Variants in SCN1A observed in about 807,000 individuals in gnomAD.
SCN1A encodes sodium voltage-gated channel alpha subunit 1.
In SCN1A, 13 loss-of-function variants were observed where a neutral mutation model predicts 193.7. The ratio of observed to expected loss-of-function variants is 0.07; its 90% CI spans 0.04 to 0.11. The LOEUF (loss-of-function observed/expected upper bound fraction) is 0.11. SCN1A is among the 10% of genes least tolerant of loss of function. SCN1A has a pLI of 1.00. For synonymous variants in SCN1A, 781 were observed against 843.6 expected (o/e 0.93, Z 1.29); for missense variants, 1,432 against 2,451.1 (o/e 0.58, Z 8.78).
At position 166,036,371 on chromosome 2, in the gene SCN1A, G is replaced by T. The variant is rs542420576; in HGVS notation, c.3106C>A (p.Gln1036Lys). The change falls in exon 19 of 29, where the codon CAG becomes AAG. Residue 1036 changes from glutamine to lysine, a missense_variant. By Grantham distance (53) the Gln-to-Lys change is moderately conservative (BLOSUM62 1). This residue lies in a region of SCN1A where 198 missense variants were observed against 225.8 expected (regional missense o/e 0.88). Transcript: ENST00000674923. ...ATCTTTTGTTTCCTAATGAAGGACT[G>T]TTGAATAAATTCATATATTTTTCTT... is the stretch of plus-strand genomic sequence containing the variant. The part of the protein sequence containing the change: ...VKRKIYEFIQ[Q>K]SFIRKQKILD... 2 of 1,604,080 alleles carry T rather than the reference G, an allele frequency of 1.2e-6. No individual in the cohort carries two copies. Among genetic ancestry groups the T allele is most frequent in the South Asian group, 2.3e-5 (2 of 88,668 alleles).
chr2:166,005,770 G>C (rs928359111), intron 23 of SCN1A, among the ~76,000 whole-genome samples: 1 of 151,264 alleles, frequency 6.6e-6, no homozygotes, highest in Non-Finnish European at 1.5e-5. Context: ...GGTTCTTATG[G>C]GGGGAAGAAA....
intron 19 of SCN1A, among the ~76,000 whole-genome samples, chr2:166,031,608 CA>C (rs1173771933): frequency 6.6e-6 from 1 of 151,884 alleles, no homozygotes; most frequent in Non-Finnish European, 1.5e-5. Flanking sequence ...TTACAGAGGG[CA>C]AAAGGCAAAC....
At position 166,042,370 on chromosome 2, in the gene SCN1A, A is replaced by G; in HGVS notation, c.2098T>C (p.Ser700Pro). 1 of 1,613,886 alleles carries G rather than the reference A, an allele frequency of 6.2e-7. No homozygotes were observed. Among genetic ancestry groups the G allele is most frequent in the Non-Finnish European group, 8.5e-7 (1 of 1,179,854 alleles). ...GAAGGATCTTCTAGAAAGTCCATGGAAACGTGGAAAGAACTTGACCTTCTC... is the reference window on the plus strand; with the variant it reads ...GAAGGATCTTCTAGAAAGTCCATGGGAACGTGGAAAGAACTTGACCTTCTC... The part of the protein sequence containing the change: ...RKRRSSSFHV[S>P]MDFLEDPSQR... The change falls in exon 15 of 29, where the codon TCC (serine) becomes CCC (proline). Residue 700 changes from serine to proline, a missense_variant. By Grantham distance (74) the Ser-to-Pro change is moderately conservative. Coordinates refer to ENST00000674923, the MANE Select transcript of SCN1A (RefSeq NM_001165963.4).
intron 26 of SCN1A, among the ~76,000 whole-genome samples, chr2:165,997,192 A>T (rs1042046611): frequency 1.3e-5 from 2 of 151,268 alleles, no homozygotes; most frequent in Non-Finnish European, 3.0e-5. Context: ...TCAACAAGGT[A>T]CTATTTAAAT....
intron 6 of SCN1A, among the ~76,000 whole-genome samples, chr2:166,055,184 T>C (rs542000710): frequency 9.0e-6 from 1 of 110,820 alleles, no homozygotes; most frequent in Admixed American, 1.1e-4. Context: ...ACTGACAAAT[T>C]AGCACGTGTT....
intron 4 of SCN1A, among the ~76,000 whole-genome samples, chr2:166,068,341 G>A (rs7608672): frequency 0.19 from 28,357 of 152,038 alleles, 2,788 homozygotes; most frequent in South Asian, 0.27. Flanking sequence ...CTGTTTCTGA[G>A]ACAGAGACAG....
chr2:166,118,298 G>GCTTT (rs371947861), intron 2 of SCN1A, among the ~76,000 whole-genome samples: 1 of 44,692 alleles, frequency 2.2e-5, no homozygotes, highest in African/African-American at 7.3e-5. Flanking sequence ...TTTCTATTTA[G>GCTTT]TTTCTTTTTT....
rs773562083 is a variant in SCN1A at position 166,009,699 on chromosome 2, G to A, written c.4002+20C>T. On this transcript the variant is annotated intron_variant, in intron 23 of 28. Transcript: ENST00000674923. ...AATTTTGGCTATATACAATACTTCA[G>A]GTTCTTTCATTTTTCTTACCCTCAT... is the stretch of plus-strand genomic sequence containing the variant. 3 of 1,599,196 alleles carry A rather than the reference G, an allele frequency of 1.9e-6. No homozygotes were observed. The South Asian group carries it at 3.3e-5, about 18-fold the overall frequency.
At chr2:166,029,573 A>G (rs922342130) in intron 19 of SCN1A, among the ~76,000 whole-genome samples, 3 of 152,186 alleles carry the variant, frequency 2.0e-5, no homozygotes, top group Non-Finnish European at 4.4e-5. Context: ...AAAGTATTAG[A>G]TGGAAAAATA....
upstream of SCN1A, among the ~76,000 whole-genome samples, chr2:166,130,347 C>A (rs955513885): frequency 7.2e-5 from 11 of 152,126 alleles, no homozygotes; most frequent in Admixed American, 3.9e-4. Flanking sequence ...GCAAACAAAC[C>A]AGATCAAAAC....
At chr2:166,040,484 A>G (rs956603788) in intron 16 of SCN1A, among the ~76,000 whole-genome samples, 5 of 152,208 alleles carry the variant, frequency 3.3e-5, no homozygotes, top group African/African-American at 9.7e-5. Flanking sequence ...AACTAATAAA[A>G]TGCAGGTTGT....
rs188454732 is a variant in SCN1A at position 166,106,230 on chromosome 2, T to C, written c.-142+20694A>G. On this transcript the variant is annotated intron_variant, in intron 2 of 28. Coordinates refer to ENST00000674923, the MANE Select transcript of SCN1A (RefSeq NM_001165963.4). ...AACAAAAAAAGATACAGAAACCACA[T>C]GCTAATTTAAACAGAGAAAGTTTAA... 3.8e-4 allele frequency among the ~76,000 whole-genome samples: 58 copies of C among 152,174 alleles called. 1 individual carries two copies. The highest frequency in any genetic ancestry group is 4.3e-4 in the Non-Finnish European group (29 of 67,990).
downstream of SCN1A, chr2:165,985,193 G>A (rs941002740): frequency 8.6e-5 from 13 of 151,934 alleles, no homozygotes; most frequent in African/African-American, 2.9e-4. Flanking sequence ...AACAAGTCAT[G>A]GAGCAAGGTA....
intron 1 of SCN1A, chr2:166,133,790 T>C (rs1691752883): frequency 6.6e-6 from 1 of 152,214 alleles, no homozygotes; most frequent in Non-Finnish European, 1.5e-5. Context: ...ATGCCTTCAC[T>C]GTTCCGCTTC....
chr2:166,101,736 G>A (rs1688104764), intron 2 of SCN1A, among the ~76,000 whole-genome samples: 1 of 152,090 alleles, frequency 6.6e-6, no homozygotes, highest in South Asian at 2.1e-4. Context: ...GTTCAAGATG[G>A]ATTAAAGACT....
At chr2:166,115,916 C>T (rs1689803662) in intron 2 of SCN1A, among the ~76,000 whole-genome samples, 1 of 152,122 alleles carries the variant, frequency 6.6e-6, no homozygotes, top group Non-Finnish European at 1.5e-5. Context: ...CTAGGCACAA[C>T]ACAAAAGGAA....
At chr2:166,073,174 A>T (rs935322462) in intron 4 of SCN1A, 184 bp downstream of exon 4, 4 of 685,674 alleles carry the variant, frequency 5.8e-6, no homozygotes, top group Non-Finnish European at 9.5e-6. Context: ...GGACAGTTGC[A>T]TATGTTATGA....
intron 9 of SCN1A, among the ~76,000 whole-genome samples, chr2:166,050,602 C>G (rs114703188): frequency 0.089 from 6,487 of 73,054 alleles, 609 homozygotes; most frequent in African/African-American, 0.25. Flanking sequence ...ACACCCAACT[C>G]ATTAAAAAAA....
intron 2 of SCN1A, among the ~76,000 whole-genome samples, chr2:166,116,544 CTT>C (rs1271972114): frequency 1.3e-5 from 2 of 151,950 alleles, no homozygotes; most frequent in African/African-American, 4.8e-5. Flanking sequence ...GTGCAACAAA[CTT>C]AATCTGAATA....
Sources: gnomAD v4.1 joint callset for allele counts (sites outside exome capture counted in the v4.1 genomes callset) on GRCh38, gnomAD v4.1.1 for gene constraint, gnomAD v4.1.1 regional missense constraint, MANE v1.5 for transcripts, NCBI Gene and HGNC (gene_info 2026-07-23, HGNC 2026-07-21) for gene names.